RNF146: variants seen among roughly 807,000 people sequenced by gnomAD.
RNF146 encodes the protein ring finger protein 146.
RNF146 carries 11 observed loss-of-function variants against 29.7 expected under a neutral mutation model. The observed-to-expected ratio is 0.37, with a 90% CI of 0.23 to 0.61. The LOEUF is 0.61. RNF146 is among the 20% of genes least tolerant of loss of function. The pLI is 0.66. For synonymous variants in RNF146, 150 were observed against 159.7 expected (o/e 0.94, Z 0.46); for missense variants, 342 against 438.9 (o/e 0.78, Z 1.97).
At chr6:127,279,966 C>G (rs1778719025) in intron 1 of RNF146, among the ~76,000 whole-genome samples, 1 of 151,654 alleles carries the variant, frequency 6.6e-6, no homozygotes, top group South Asian at 2.1e-4. Context: ...TGTTTATTAG[C>G]TTTCTTGGGG....
At chr6:127,277,271 G>A (rs1778337459) in intron 1 of RNF146, among the ~76,000 whole-genome samples, 1 of 151,926 alleles carries the variant, frequency 6.6e-6, no homozygotes, top group African/African-American at 2.4e-5. Context: ...ATGAAAATGT[G>A]CAGTTTTCTG....
At chr6:127,278,122 A>T (rs973895292) in intron 1 of RNF146, among the ~76,000 whole-genome samples, 1 of 152,020 alleles carries the variant, frequency 6.6e-6, no homozygotes, top group African/African-American at 2.4e-5. Flanking sequence ...TTTAGTTATC[A>T]TGTGTTCTTG....
chr6:127,287,737 C>G lies in RNF146; in HGVS notation c.*44C>G, dbSNP rs376517138. 1.5e-5 allele frequency: 19 copies of G among 1,227,020 alleles called. No homozygotes were observed. The East Asian group carries it at 1.9e-4, about 12-fold the overall frequency. 76.0% of individuals were successfully genotyped at this position (1,227,020 alleles called of 1,614,324 possible). On this transcript the variant is annotated 3_prime_UTR_variant, in exon 3 of 3. Transcript: ENST00000368314. ...CCATGCTCAAGGTTGAAAGGGTTACCTGTAAATTTCTGCCCACATAACATT... is the reference window on the plus strand; with the variant it reads ...CCATGCTCAAGGTTGAAAGGGTTACGTGTAAATTTCTGCCCACATAACATT...
intron 2 of RNF146, chr6:127,285,384 C>T: frequency 1.0e-6 from 1 of 974,888 alleles, no homozygotes; most frequent in Non-Finnish European, 1.2e-6. Context: ...TTTGTAACTA[C>T]TGACCCATTT....
At chr6:127,276,328 G>A (rs910069018) in intron 1 of RNF146, among the ~76,000 whole-genome samples, 3 of 152,012 alleles carry the variant, frequency 2.0e-5, no homozygotes, top group African/African-American at 7.2e-5. Flanking sequence ...GATTCCAAAG[G>A]GATTAGGAAT....
chr6:127,277,447 G>T lies in RNF146; in HGVS notation c.-108-2784G>T, dbSNP rs9482783. Among the ~76,000 whole-genome samples the T allele has an allele frequency of 8.2e-3, 1,248 of 152,098 alleles. 20 individuals carry two copies. Among genetic ancestry groups the T allele is most frequent in the African/African-American group, 0.028 (1,149 of 41,518 alleles). Reference sequence around the variant, plus strand: ...AAAGGTTACTTAGAAACCTTGTTTAGTCAGTATATTAGGCAGTGTTCTCTA... The same window carrying T: ...AAAGGTTACTTAGAAACCTTGTTTATTCAGTATATTAGGCAGTGTTCTCTA... On this transcript the variant is annotated intron_variant, in intron 1 of 2. Transcript: ENST00000368314.
Position 127,287,636 on chromosome 6 carries a change from GAGTGTCAGTGTC to G in RNF146, c.1026_1037del (p.Ser342_Val345del). ...GATCAGTAGCAGGGGGTGGAACAGT[GAGTGTCAGTGTC>G]AGATCTAGAAGGCCTGATGGACAGT... On this transcript the variant is annotated inframe_deletion, in exon 3 of 3. Transcript: ENST00000368314. 1 of 1,610,478 alleles carries G rather than the reference GAGTGTCAGTGTC, an allele frequency of 6.2e-7. No homozygotes were observed. The highest frequency in any genetic ancestry group is 1.1e-5 in the South Asian group (1 of 90,886).
chr6:127,279,898 T>C (rs9482784), intron 1 of RNF146, among the ~76,000 whole-genome samples: 2,443 of 151,958 alleles, frequency 0.016, 43 homozygotes, highest in South Asian at 0.054. Flanking sequence ...TCCTGGTGTA[T>C]CAGAACACAA....
rs1779541593 is a variant in RNF146, at chr6:127,286,564, GAT to G, written c.3-49_3-48del. The G allele has an allele frequency of 1.4e-6, 2 of 1,468,194 alleles. No individual in the cohort carries two copies. The highest frequency in any genetic ancestry group is 1.8e-6 in the Non-Finnish European group (2 of 1,081,490). 90.9% of individuals were successfully genotyped at this position (1,468,194 alleles called of 1,614,324 possible). A position where few individuals can be genotyped will look rare whatever the true frequency, so the allele number is the denominator to read the frequency against. On this transcript the variant is annotated intron_variant, in intron 2 of 2. Coordinates refer to ENST00000368314, the MANE Select transcript of RNF146 (RefSeq NM_001242850.2). This position sits in a 1 kb window ranked among gnomAD's most constrained non-coding sequence, Gnocchi z 4.6. Reference sequence around the variant, plus strand: ...AGTGTTTTCATAATTGTTAAATTAAGATATTGCAAGAATTAAAACATGACTTT... The same window carrying G: ...AGTGTTTTCATAATTGTTAAATTAAGATTGCAAGAATTAAAACATGACTTT...
intron 1 of RNF146, among the ~76,000 whole-genome samples, chr6:127,278,126 G>A (rs533828476): frequency 2.6e-5 from 4 of 152,126 alleles, no homozygotes; most frequent in African/African-American, 9.6e-5. Flanking sequence ...GTTATCATGT[G>A]TTCTTGATTA....
In RNF146 at chr6:127,267,570, C is replaced by G. The variant is rs1466429137; in HGVS notation, c.-109+645C>G. On this transcript the variant is annotated intron_variant, in intron 1 of 2. Transcript: ENST00000368314. ...CCTTTTCCCGGAGTGTCTCTGGCTG[C>G]TGCTTTCTCTTCTCTCGCTCTTCCT... Among the ~76,000 whole-genome samples the G allele has an allele frequency of 2.6e-5, 4 of 152,200 alleles. No individual in the cohort carries two copies. The East Asian group carries it at 7.7e-4, about 29-fold the overall frequency.
At chr6:127,278,599 T>C (rs953124123) in intron 1 of RNF146, among the ~76,000 whole-genome samples, 1 of 152,086 alleles carries the variant, frequency 6.6e-6, no homozygotes, top group African/African-American at 2.4e-5. Flanking sequence ...ATACTTGAAT[T>C]GTGTCCACCT....
intron 1 of RNF146, among the ~76,000 whole-genome samples, chr6:127,269,140 T>A (rs993002872): frequency 6.6e-6 from 1 of 152,228 alleles, no homozygotes; most frequent in South Asian, 2.1e-4. Context: ...CTAATTTATG[T>A]AACACTTGGC....
Position 127,287,707 on chromosome 6 carries a change from C to T in RNF146, c.*14C>T, listed in dbSNP as rs143912392. The T allele has an allele frequency of 9.6e-6, 14 of 1,459,544 alleles. No homozygotes were observed. The highest frequency in any genetic ancestry group is 1.3e-5 in the Non-Finnish European group (14 of 1,068,186). 90.4% of individuals were successfully genotyped at this position (1,459,544 alleles called of 1,614,324 possible). On this transcript the variant is annotated 3_prime_UTR_variant, in exon 3 of 3. Transcript: ENST00000368314. ...ACTGAAGTTTAAATAAAAATGTCTT[C>T]AGCTCCATGCTCAAGGTTGAAAGGG...
At position 127,287,413 on chromosome 6, in the gene RNF146, A is replaced by G. The variant is rs748893310; in HGVS notation, c.800A>G (p.Glu267Gly). ...GAAAGGAGTCATAGGGGAGAAGGAG[A>G]AGAAGATCATGAATCACCATCTTCA... ...TAERSHRGEG[E>G]EDHESPSSGR... The change falls in exon 3 of 3, where the codon GAA becomes GGA. Residue 267 changes from glutamate (E) to glycine (G), a missense_variant. Around this residue, in one of 6 missense-constraint regions of RNF146, gnomAD observed 196 missense variants for 208.9 expected, o/e 0.94. Transcript: ENST00000368314. The G allele has an allele frequency of 3.7e-5, 59 of 1,613,252 alleles. No homozygotes were observed. The highest frequency in any genetic ancestry group is 1.7e-5 in the Admixed American group (1 of 59,890).
chr6:127,287,410 GAGA>G lies in RNF146; in HGVS notation c.804_806del (p.Glu268del), dbSNP rs760706934. ...GCTGAAAGGAGTCATAGGGGAGAAG[GAGA>G]AGAAGATCATGAATCACCATCTTCA... On this transcript the variant is annotated inframe_deletion, in exon 3 of 3. Coordinates refer to ENST00000368314, the MANE Select transcript of RNF146 (RefSeq NM_001242850.2). 44 of 1,613,340 alleles carry G rather than the reference GAGA, an allele frequency of 2.7e-5. No homozygotes were observed. Among genetic ancestry groups the G allele is most frequent in the Admixed American group, 1.0e-4 (6 of 59,900 alleles).
At chr6:127,273,669 A>G (rs964654138) in intron 1 of RNF146, among the ~76,000 whole-genome samples, 3 of 152,140 alleles carry the variant, frequency 2.0e-5, no homozygotes, top group South Asian at 2.1e-4. Context: ...ATCGTCAAAG[A>G]TCTTTAAAGA....
At chr6:127,270,136 G>A (rs2114408468) in intron 1 of RNF146, among the ~76,000 whole-genome samples, 1 of 152,182 alleles carries the variant, frequency 6.6e-6, no homozygotes, top group Middle Eastern at 3.4e-3. Flanking sequence ...AGTATTTTGA[G>A]TTGTTACAAA....
At chr6:127,282,787 T>G (rs191771145) in intron 2 of RNF146, among the ~76,000 whole-genome samples, 5 of 151,856 alleles carry the variant, frequency 3.3e-5, no homozygotes, top group Non-Finnish European at 5.9e-5. Context: ...GTAAAACCTT[T>G]CAGTGAACTC....
Sources: allele counts gnomAD v4.1 joint callset (sites outside exome capture counted in the v4.1 genomes callset), GRCh38; gene constraint gnomAD v4.1.1; regional missense constraint gnomAD v4.1.1; non-coding constraint Gnocchi (gnomAD v3.1); transcripts MANE v1.5; gene names NCBI Gene and HGNC (gene_info 2026-07-23, HGNC 2026-07-21).